Variants in RNF150 observed in about 807,000 individuals in gnomAD.
The protein encoded by RNF150 is ring finger protein 150.
RNF150 carries 24 observed loss-of-function variants against 39.3 expected under a neutral mutation model. That is an observed-to-expected ratio of 0.61 (90% CI 0.44 to 0.86). The LOEUF is 0.86. Ranked by LOEUF, RNF150 falls within the 40% of genes least tolerant of loss-of-function variation. The probability of loss-of-function intolerance (pLI) is 0.00; values close to 1 mark genes in which losing one functional copy is unlikely to be tolerated. For synonymous variants in RNF150, 255 were observed against 227.3 expected (o/e 1.12, Z -1.10); for missense variants, 502 against 587.8 (o/e 0.85, Z 1.51).
intron 6 of RNF150, among the ~76,000 whole-genome samples, chr4:140,885,733 G>A (rs1033436384): frequency 6.6e-6 from 1 of 151,994 alleles, no homozygotes; most frequent in African/African-American, 2.4e-5. Context: ...CTCCCACATA[G>A]CTGGGATTAC....
intron 2 of RNF150, among the ~76,000 whole-genome samples, chr4:140,957,703 T>C (rs1247314072): frequency 1.3e-5 from 2 of 151,860 alleles, no homozygotes; most frequent in Admixed American, 6.6e-5. Flanking sequence ...ATATACACCA[T>C]GGAATACTAT....
chr4:141,053,654 G>A (rs1340155859), intron 1 of RNF150: 4 of 1,328,944 alleles, frequency 3.0e-6, no homozygotes, highest in Non-Finnish European at 9.7e-7. Flanking sequence ...CATTTTAGAG[G>A]CTAAAGCATA....
intron 1 of RNF150, among the ~76,000 whole-genome samples, chr4:141,170,075 G>A (rs763648381): frequency 3.3e-5 from 5 of 152,056 alleles, no homozygotes; most frequent in African/African-American, 4.8e-5. Context: ...CTCACTGCTC[G>A]TATAATTAAG....
chr4:141,155,252 ATTTT>A (rs70946798), intron 1 of RNF150, among the ~76,000 whole-genome samples: 1 of 126,416 alleles, frequency 7.9e-6, no homozygotes, highest in African/African-American at 3.0e-5. Context: ...CACCCGGCTG[ATTTT>A]TTTTTTTTTT....
intron 1 of RNF150, among the ~76,000 whole-genome samples, chr4:141,064,746 T>C (rs1371872291): frequency 6.6e-6 from 1 of 152,144 alleles, no homozygotes; most frequent in African/African-American, 2.4e-5. Context: ...GGAGTAGGTA[T>C]CACTGAAGGG....
At chr4:140,990,199 G>T (rs1156315848) in intron 1 of RNF150, among the ~76,000 whole-genome samples, 2 of 152,126 alleles carry the variant, frequency 1.3e-5, no homozygotes, top group Admixed American at 6.5e-5. Context: ...TTCCATAAGT[G>T]CCTGTACAAC....
intron 1 of RNF150, among the ~76,000 whole-genome samples, chr4:141,160,440 T>G (rs1727490312): frequency 6.6e-6 from 1 of 152,238 alleles, no homozygotes; most frequent in Admixed American, 6.5e-5. Flanking sequence ...GTATAAAGTG[T>G]CTTTGCAAAG....
chr4:141,128,803 G>T (rs1726819221), intron 1 of RNF150, among the ~76,000 whole-genome samples: 2 of 152,024 alleles, frequency 1.3e-5, no homozygotes, highest in South Asian at 4.1e-4. Context: ...GTCTGGAAAA[G>T]AATAAATAAT....
intron 1 of RNF150, among the ~76,000 whole-genome samples, chr4:141,116,563 AT>A (rs1739555992): frequency 6.6e-6 from 1 of 152,238 alleles, no homozygotes; most frequent in Non-Finnish European, 1.5e-5. Context: ...TAGTTCAACC[AT>A]TGTAGAAGAC....
intron 2 of RNF150, among the ~76,000 whole-genome samples, chr4:140,964,007 A>G (rs542984893): frequency 6.6e-6 from 1 of 152,238 alleles, no homozygotes; most frequent in South Asian, 2.1e-4. Context: ...CCCATTAAAT[A>G]CACAATGAAG....
intron 1 of RNF150, among the ~76,000 whole-genome samples, chr4:141,000,020 G>GAAGAAAAGAAGAAAAGAAGAA (rs1734571121): frequency 1.3e-4 from 4 of 30,646 alleles, no homozygotes; most frequent in East Asian, 6.6e-4. Context: ...AGAAGAAGAA[G>GAAGAAAAGAAGAAAAGAAGAA]AAGAAGAAGA....
At chr4:140,870,294 A>G (rs1578915201) in intron 6 of RNF150, among the ~76,000 whole-genome samples, 2 of 152,348 alleles carry the variant, frequency 1.3e-5, no homozygotes, top group Middle Eastern at 3.4e-3. Context: ...GCAGCTCTAT[A>G]AAGATACAAG....
intron 6 of RNF150, among the ~76,000 whole-genome samples, chr4:140,882,391 A>T (rs1729410224): frequency 6.6e-6 from 1 of 152,122 alleles, no homozygotes; most frequent in Non-Finnish European, 1.5e-5. Context: ...CATTTGAGAA[A>T]AATGTGTATT....
intron 1 of RNF150, among the ~76,000 whole-genome samples, chr4:141,203,257 A>G (rs990094687): frequency 7.8e-6 from 1 of 127,542 alleles, no homozygotes; most frequent in Admixed American, 8.6e-5. Context: ...TGGAGACGAT[A>G]TATATATCTT....
intron 1 of RNF150, among the ~76,000 whole-genome samples, chr4:141,082,746 G>T (rs1738208141): frequency 6.6e-6 from 1 of 151,764 alleles, no homozygotes; most frequent in Admixed American, 6.6e-5. Flanking sequence ...CCGCCACTAC[G>T]CCCGGCTAAT....
intron 6 of RNF150, 133 bp downstream of exon 6, chr4:140,911,011 A>AGTT: frequency 2.8e-6 from 2 of 711,542 alleles, no homozygotes; most frequent in South Asian, 3.7e-5. Flanking sequence ...AACAGCTGGC[A>AGTT]GTTATAACTG....
chr4:141,102,592 C>T (rs1739051305), intron 1 of RNF150, among the ~76,000 whole-genome samples: 1 of 152,148 alleles, frequency 6.6e-6, no homozygotes, highest in African/African-American at 2.4e-5. Context: ...TAACCTTATC[C>T]TCAAACCACT....
At chr4:141,174,260 T>C (rs1387116342) in intron 1 of RNF150, among the ~76,000 whole-genome samples, 1 of 152,190 alleles carries the variant, frequency 6.6e-6, no homozygotes, top group Non-Finnish European at 1.5e-5. Flanking sequence ...GTTTGTACTG[T>C]TTGAGTCTCT....
chr4:141,111,742 A>G (rs1384915688), intron 1 of RNF150, among the ~76,000 whole-genome samples: 1 of 152,232 alleles, frequency 6.6e-6, no homozygotes, highest in East Asian at 1.9e-4. Flanking sequence ...TTCTGGGTTT[A>G]TATGAATCGG....
Sources: gnomAD v4.1 joint callset for allele counts (sites outside exome capture counted in the v4.1 genomes callset) on GRCh38, gnomAD v4.1.1 for gene constraint, MANE v1.5 for transcripts, NCBI Gene and HGNC (gene_info 2026-07-23, HGNC 2026-07-21) for gene names.